Variants in GTPBP6 observed in about 807,000 individuals in gnomAD.
The protein encoded by GTPBP6 is putative GTP-binding protein 6.
Under a neutral mutation model 28.9 loss-of-function variants are expected in GTPBP6, and 33 were observed. That is an observed-to-expected ratio of 1.14 (90% confidence interval 0.87 to 1.53). The LOEUF (loss-of-function observed/expected upper bound fraction) is 1.53. Among genes scored for constraint, GTPBP6 ranks in the 40% most tolerant of loss-of-function variants. The pLI is 0.00. For missense variants in GTPBP6, 507 were observed against 408.3 expected (o/e 1.24, Z -2.08); for synonymous variants, 231 against 192.7 (o/e 1.20, Z -1.65).
At position 312,684 on chromosome X, in the gene GTPBP6, G is replaced by C. The variant is rs193256015; in HGVS notation, c.916+82C>G. ...GTCGTACGGCACCACTGAGACGACA[G>C]GGACCCCCTGCCCTCCCCCGGGCGA... On this transcript the variant is annotated intron_variant, in intron 6 of 9. Coordinates refer to ENST00000326153, the Ensembl canonical transcript of GTPBP6. 8.7e-4 allele frequency: 1,232 copies of C among 1,410,518 alleles called. 17 individuals are homozygous for C. In the African/African-American group the frequency reaches 0.015, roughly 17 times the overall value. The allele number at this position is 1,410,518 out of a possible 1,614,324, so 87.4% of individuals were successfully genotyped here. A position where few individuals can be genotyped will look rare whatever the true frequency, so the allele number is the denominator to read the frequency against.
chrX:312,608 C>A, intron 6 of GTPBP6, 158 bp downstream of exon 6: 1 of 780,248 alleles, frequency 1.3e-6, no homozygotes, highest in Non-Finnish European at 2.2e-6. Flanking sequence ...TGGTGTACCC[C>A]ACACGGCGAC....
chrX:314,724 C>T (rs1365328878), intron 4 of GTPBP6, among the ~76,000 whole-genome samples, 166 bp downstream of exon 4: 2 of 151,962 alleles, frequency 1.3e-5, no homozygotes, highest in African/African-American at 4.8e-5. Flanking sequence ...GATCCGCCCA[C>T]CTCGGCCTCC....
intron 7 of GTPBP6, among the ~76,000 whole-genome samples, chrX:308,113 C>T (rs948386976): frequency 3.9e-5 from 6 of 152,106 alleles, no homozygotes; most frequent in Non-Finnish European, 7.4e-5. Context: ...GCAGCAGCTC[C>T]GCACCCCCAG....
intron 1 of GTPBP6, among the ~76,000 whole-genome samples, chrX:317,429 G>C (rs1295786792): frequency 6.6e-6 from 1 of 151,864 alleles, no homozygotes; most frequent in Non-Finnish European, 1.5e-5. Flanking sequence ...TCTGTTCCAG[G>C]AATTAGCCAT....
intron 5 of GTPBP6, 47 bp from the exon 6 acceptor site, chrX:312,971 G>T: frequency 1.3e-6 from 2 of 1,563,760 alleles, no homozygotes; most frequent in Non-Finnish European, 1.7e-6. Flanking sequence ...GCCGGGAAAG[G>T]CACAAGTGCG....
rs1187572118 is a variant in GTPBP6, at chrX:317,569, T to TGGGGGTGGGGGTGGGGG, written c.350-519_350-518insCCCCCACCCCCACCCCC. ...GCATTTCCTCCTGGGGGGTGGGGGG[T>TGGGGGTGGGGGTGGGGG]GGGACTAGACACAGATTGGTCCGCT... On this transcript the variant is annotated intron_variant, in intron 1 of 9. Coordinates refer to ENST00000326153, the Ensembl canonical transcript of GTPBP6. 8.6e-3 allele frequency among the ~76,000 whole-genome samples: 1,012 copies of TGGGGGTGGGGGTGGGGG among 117,620 alleles called. 24 individuals are homozygous for TGGGGGTGGGGGTGGGGG. The highest frequency in any genetic ancestry group is 0.03 in the African/African-American group (953 of 31,378). The allele number at this position is 117,620 out of a possible 152,430, so 77.2% of individuals were successfully genotyped here. A position where few individuals can be genotyped will look rare whatever the true frequency, so the allele number is the denominator to read the frequency against.
In GTPBP6 at chrX:307,897, G is replaced by T. The variant is rs1337390450; in HGVS notation, c.1126-17C>A. The T allele has an allele frequency of 6.6e-7, 1 of 1,505,502 alleles. No individual in the cohort carries two copies. Among genetic ancestry groups the T allele is most frequent in the Admixed American group, 2.3e-5 (1 of 42,836 alleles). The allele number at this position is 1,505,502 out of a possible 1,614,324, so 93.3% of individuals were successfully genotyped here. A position where few individuals can be genotyped will look rare whatever the true frequency, so the allele number is the denominator to read the frequency against. ...GATGAGATCCTGTGGGCCGGGCCGT[G>T]GGGTCAGAGCTGCGGAGCCTCTGGT... is the stretch of plus-strand genomic sequence containing the variant. On this transcript the variant is annotated splice_polypyrimidine_tract_variant and intron_variant, in intron 7 of 9. Transcript: ENST00000326153.
chrX:312,978 T>C, intron 5 of GTPBP6, 54 bp from the exon 6 acceptor site: 1 of 1,540,538 alleles, frequency 6.5e-7, no homozygotes, highest in Non-Finnish European at 8.9e-7. Flanking sequence ...AAGGCACAAG[T>C]GCGGGCGGTG....
intron 1 of GTPBP6, 102 bp downstream of exon 1, chrX:318,337 G>A (rs1336285095): frequency 6.4e-5 from 25 of 388,208 alleles, no homozygotes; most frequent in Non-Finnish European, 1.0e-4. Flanking sequence ...CGTCCCTTCA[G>A]AGCCCCGCCC....
intron 5 of GTPBP6, among the ~76,000 whole-genome samples, chrX:313,884 T>C (rs1398723149): frequency 1.3e-5 from 2 of 151,478 alleles, no homozygotes; most frequent in South Asian, 2.1e-4. Context: ...AAATCCCCAG[T>C]TTGTGGCTAC....
Position 307,113 on chromosome X carries a change from A to G in GTPBP6, c.1427+247T>C, listed in dbSNP as rs186121291. 4.0e-5 allele frequency among the ~76,000 whole-genome samples: 6 copies of G among 150,308 alleles called. No individual in the cohort carries two copies. In the East Asian group the frequency reaches 1.2e-3, roughly 29 times the overall value. The stretch of plus-strand genomic sequence containing the variant: ...GTCAGAAATGTACATTTTGACTGTC[A>G]GCACAGATTAGGCACCTGTTGTATG... On this transcript the variant is annotated intron_variant, in intron 9 of 9. Coordinates refer to ENST00000326153, the Ensembl canonical transcript of GTPBP6.
At chrX:313,059 G>A (rs2070347748) in intron 5 of GTPBP6, 135 bp from the exon 6 acceptor site, 2 of 700,390 alleles carry the variant, frequency 2.9e-6, no homozygotes, top group East Asian at 2.7e-5. Flanking sequence ...GCTTTCCCCA[G>A]CAGCGGCCCC....
chrX:310,786 G>T (rs1294617526), intron 7 of GTPBP6, among the ~76,000 whole-genome samples: 4 of 151,944 alleles, frequency 2.6e-5, no homozygotes, highest in Middle Eastern at 3.4e-3. Context: ...GGTAGAGCTG[G>T]TTCCTGTGGT....
exon 9 of GTPBP6, chrX:307,364 G>A: frequency 6.2e-7 from 1 of 1,612,030 alleles, no homozygotes; most frequent in Non-Finnish European, 8.5e-7. Context: ...GCTCACCTGA[G>A]CTGCGCCCCT....
chrX:307,358 A>C lies in GTPBP6; in HGVS notation c.1427+2T>G. 1 of 1,611,766 alleles carries C rather than the reference A, an allele frequency of 6.2e-7. No homozygotes were observed. Among genetic ancestry groups the C allele is most frequent in the Non-Finnish European group, 8.5e-7 (1 of 1,179,584 alleles). ...CGTCTCCTGCCCCTGCAGGCCGCTC[A>C]CCTGAGCTGCGCCCCTGCGAGCCTC... On this transcript the variant is annotated splice_donor_variant, in intron 9 of 9. Transcript: ENST00000326153. LOFTEE classifies it high-confidence loss of function.
intron 5 of GTPBP6, among the ~76,000 whole-genome samples, chrX:313,318 G>C (rs1470525295): frequency 3.9e-5 from 6 of 152,150 alleles, no homozygotes; most frequent in African/African-American, 7.2e-5. Flanking sequence ...GTCTTTGTAG[G>C]GTCTCAAAAT....
At chrX:314,330 G>C in intron 4 of GTPBP6, 113 bp from the exon 5 acceptor site, 1 of 871,332 alleles carries the variant, frequency 1.1e-6, no homozygotes, top group African/African-American at 1.7e-5. Context: ...GAAGGGAGGA[G>C]CCGCTGTTGC....
intron 4 of GTPBP6, among the ~76,000 whole-genome samples, chrX:314,473 CTTCT>C (rs1159756405): frequency 2.0e-5 from 3 of 150,076 alleles, no homozygotes; most frequent in Admixed American, 6.6e-5. Flanking sequence ...CGGTGCTTTT[CTTCT>C]TTTTTTTTTT....
intron 9 of GTPBP6, among the ~76,000 whole-genome samples, chrX:306,387 T>C (rs1410215365): frequency 5.4e-5 from 8 of 147,282 alleles, no homozygotes; most frequent in African/African-American, 2.1e-4. Flanking sequence ...CAAGCACAGA[T>C]TAGGCACCTG....
Sources: gnomAD v4.1 joint callset for allele counts (sites outside exome capture counted in the v4.1 genomes callset) on GRCh38, gnomAD v4.1.1 for gene constraint, MANE v1.5 for transcripts, NCBI Gene and HGNC (gene_info 2026-07-23, HGNC 2026-07-21) for gene names.